Variants in GRM5 observed in about 807,000 individuals in gnomAD.
The protein encoded by GRM5 is glutamate metabotropic receptor 5, also known as metabotropic glutamate receptor 5.
GRM5 carries 19 observed loss-of-function variants against 83.1 expected under a neutral mutation model. The observed-to-expected ratio is 0.23, with a 90% CI of 0.16 to 0.34. The LOEUF (loss-of-function observed/expected upper bound fraction) is 0.34, where lower values mean the gene tolerates loss of function less well. Ranked by LOEUF, GRM5 falls within the 10% of genes least tolerant of loss-of-function variation. The probability of loss-of-function intolerance (pLI) is 1.00; values close to 1 mark genes in which losing one functional copy is unlikely to be tolerated. For missense variants in GRM5, 1,160 were observed against 1,588.3 expected, an observed-to-expected ratio of 0.73 and a Z score of 4.58; for synonymous variants, 675 against 633.6, an observed-to-expected ratio of 1.07 and a Z score of -0.98.
At chr11:88,751,478 A>G (rs867832047) in intron 3 of GRM5, among the ~76,000 whole-genome samples, 1 of 152,170 alleles carries the variant, frequency 6.6e-6, no homozygotes, top group African/African-American at 2.4e-5. Context: ...CTACCAACCA[A>G]CAAAAGCTCA....
At position 88,786,929 on chromosome 11, in the gene GRM5, A is replaced by AACTGAAAT. The variant is rs548628740; in HGVS notation, c.911+62969_911+62976dup. Among the ~76,000 whole-genome samples, 4 of 152,230 alleles carry AACTGAAAT rather than the reference A, an allele frequency of 2.6e-5. No homozygotes were observed. In the East Asian group the frequency reaches 7.7e-4, roughly 29 times the overall value. On this transcript the variant is annotated intron_variant, in intron 3 of 9. Coordinates refer to ENST00000305447, the MANE Select transcript of GRM5 (RefSeq NM_001143831.3). ...TATAAATGTTTGTAGAATGATTTAA[A>AACTGAAAT]ACTGAAATAATGTATGTATTATTCA...
At chr11:88,798,030 C>T (rs1943315375) in intron 3 of GRM5, among the ~76,000 whole-genome samples, 1 of 152,104 alleles carries the variant, frequency 6.6e-6, no homozygotes, top group African/African-American at 2.4e-5. Context: ...ATGCTTCTCT[C>T]TCACTGACTG....
intron 2 of GRM5, among the ~76,000 whole-genome samples, chr11:88,896,580 A>G (rs530857831): frequency 1.6e-4 from 24 of 152,024 alleles, no homozygotes; most frequent in African/African-American, 5.5e-4. Flanking sequence ...AAAAAATCCC[A>G]TAATCTGCAA....
intron 2 of GRM5, among the ~76,000 whole-genome samples, chr11:88,963,746 C>T (rs1317016278): frequency 5.9e-5 from 9 of 152,018 alleles, no homozygotes; most frequent in South Asian, 4.1e-4. Flanking sequence ...GACTGTTTCA[C>T]GAAACGAATA....
At chr11:88,671,076 A>G (rs1565180322) in intron 3 of GRM5, among the ~76,000 whole-genome samples, 2 of 151,928 alleles carry the variant, frequency 1.3e-5, no homozygotes, top group Admixed American at 6.6e-5. Context: ...ATAAAAAACC[A>G]TCTAAATCCA....
At chr11:88,695,415 C>T (rs1350829229) in intron 3 of GRM5, among the ~76,000 whole-genome samples, 3 of 152,154 alleles carry the variant, frequency 2.0e-5, no homozygotes, top group Admixed American at 6.5e-5. Context: ...CTAAAAAGAA[C>T]TTCTCACACA....
intron 3 of GRM5, among the ~76,000 whole-genome samples, chr11:88,784,772 A>G (rs1943034579): frequency 6.6e-6 from 1 of 152,198 alleles, no homozygotes; most frequent in South Asian, 2.1e-4. Flanking sequence ...ATAGAATTAC[A>G]AAATAAAAGC....
chr11:88,552,057 C>A (rs1269583771), intron 8 of GRM5, among the ~76,000 whole-genome samples: 1 of 146,054 alleles, frequency 6.8e-6, no homozygotes, highest in African/African-American at 2.6e-5. Flanking sequence ...GAGTCAGGAT[C>A]TTTGTTGCCC....
At chr11:88,818,646 G>A (rs542097958) in intron 3 of GRM5, among the ~76,000 whole-genome samples, 5 of 152,176 alleles carry the variant, frequency 3.3e-5, no homozygotes, top group African/African-American at 7.2e-5. Flanking sequence ...TTTGCAGAAG[G>A]CATTATTCAT....
At chr11:88,691,720 T>C (rs537615148) in intron 3 of GRM5, among the ~76,000 whole-genome samples, 13 of 152,292 alleles carry the variant, frequency 8.5e-5, no homozygotes, top group African/African-American at 2.9e-4. Flanking sequence ...TTCCCACTTG[T>C]CTCTTTTCTA....
intron 4 of GRM5, among the ~76,000 whole-genome samples, chr11:88,627,981 C>A (rs1187009071): frequency 6.6e-6 from 1 of 152,116 alleles, no homozygotes; most frequent in Non-Finnish European, 1.5e-5. Context: ...CTTGCATTCC[C>A]AGCCTTATTT....
At chr11:88,880,801 A>G (rs1218587901) in intron 2 of GRM5, among the ~76,000 whole-genome samples, 1 of 152,202 alleles carries the variant, frequency 6.6e-6, no homozygotes, top group African/African-American at 2.4e-5. Context: ...GGAAGTGTCT[A>G]GACTTTAAAG....
intron 7 of GRM5, among the ~76,000 whole-genome samples, chr11:88,575,184 A>G (rs11020494): frequency 0.053 from 8,069 of 152,190 alleles, 683 homozygotes; most frequent in African/African-American, 0.18. Context: ...CTCAACAGGA[A>G]GCTGCCATAT....
chr11:88,750,595 T>G (rs1240701122), intron 3 of GRM5, among the ~76,000 whole-genome samples: 6 of 152,194 alleles, frequency 3.9e-5, no homozygotes, highest in Admixed American at 3.9e-4. Context: ...CTGATAGATA[T>G]CTACAGAATT....
At chr11:89,024,027 C>T (rs569333961) in intron 2 of GRM5, among the ~76,000 whole-genome samples, 8 of 151,974 alleles carry the variant, frequency 5.3e-5, no homozygotes, top group African/African-American at 1.9e-4. Context: ...ACCAGCGTGG[C>T]CAACGTGGTA....
intron 5 of GRM5, among the ~76,000 whole-genome samples, chr11:88,600,128 A>G (rs1009415457): frequency 1.3e-5 from 2 of 152,088 alleles, no homozygotes; most frequent in African/African-American, 4.8e-5. Flanking sequence ...TGTCATTCCA[A>G]TCACAAGACA....
At chr11:88,709,993 A>G (rs1034831856) in intron 3 of GRM5, among the ~76,000 whole-genome samples, 3 of 152,084 alleles carry the variant, frequency 2.0e-5, no homozygotes, top group African/African-American at 7.2e-5. Flanking sequence ...CTCTCTCCAC[A>G]AACCAGAGGG....
chr11:88,549,529 A>G (rs1054551123), intron 8 of GRM5, among the ~76,000 whole-genome samples: 16 of 152,012 alleles, frequency 1.1e-4, no homozygotes, highest in Non-Finnish European at 2.2e-4. Flanking sequence ...GAAATGTCCA[A>G]GGATTGTTGA....
At chr11:88,860,183 ATC>A (rs1054666078) in intron 2 of GRM5, among the ~76,000 whole-genome samples, 18 of 152,134 alleles carry the variant, frequency 1.2e-4, no homozygotes, top group African/African-American at 4.3e-4. Context: ...CACTTTTTTA[ATC>A]TTCTTAAAAA....
Sources: allele counts gnomAD v4.1 joint callset (sites outside exome capture counted in the v4.1 genomes callset), GRCh38; gene constraint gnomAD v4.1.1; transcripts MANE v1.5; gene names NCBI Gene and HGNC (gene_info 2026-07-23, HGNC 2026-07-21).